N4BP2: variants seen among roughly 807,000 people sequenced by gnomAD.
N4BP2 encodes the protein NEDD4 binding protein 2, also known as NEDD4-binding protein 2.
In N4BP2, 91 loss-of-function variants were observed where a neutral mutation model predicts 152.8. The ratio of observed to expected loss-of-function variants is 0.60; its 90% CI spans 0.50 to 0.71. N4BP2 has a LOEUF of 0.71. N4BP2 is among the 30% of genes least tolerant of loss of function. The pLI is 0.00. For missense variants in N4BP2, 1,923 were observed against 2,059.1 expected (o/e 0.93, Z 1.28); for synonymous variants, 646 against 705.3 (o/e 0.92, Z 1.33).
At chr4:40,131,121 G>A (rs1718869762) in intron 12 of N4BP2, among the ~76,000 whole-genome samples, 1 of 152,158 alleles carries the variant, frequency 6.6e-6, no homozygotes, top group African/African-American at 2.4e-5. Flanking sequence ...GCCCATTGAG[G>A]AGAATATGTT....
chr4:40,165,146 T>C, the N4BP2 span, among the ~76,000 whole-genome samples: 4 of 152,220 alleles, frequency 2.6e-5, no homozygotes, highest in Non-Finnish European at 5.9e-5. Context: ...TAGTTGTCTC[T>C]TATATTTCTT....
chr4:40,088,135 C>A (rs1458334748), intron 2 of N4BP2, among the ~76,000 whole-genome samples: 1 of 152,152 alleles, frequency 6.6e-6, no homozygotes, highest in East Asian at 1.9e-4. Flanking sequence ...GTTTTTATTG[C>A]TGACTAGTAT....
intron 1 of N4BP2, 143 bp from the exon 2 acceptor site, chr4:40,073,312 T>A (rs1712395901): frequency 6.6e-6 from 1 of 152,160 alleles, no homozygotes; most frequent in Non-Finnish European, 1.5e-5. Context: ...ATAAGTGCAG[T>A]CTTTCTTGTC....
chr4:40,152,720 G>A (rs1721252194), intron 16 of N4BP2, 60 bp from the exon 17 acceptor site: 4 of 1,588,162 alleles, frequency 2.5e-6, no homozygotes, highest in Non-Finnish European at 3.4e-6. Flanking sequence ...TAAGGTTTAC[G>A]TTTTCTATTG....
chr4:40,072,091 T>C (rs1486200881), intron 1 of N4BP2, among the ~76,000 whole-genome samples: 1 of 151,408 alleles, frequency 6.6e-6, no homozygotes, highest in African/African-American at 2.4e-5. Context: ...TTTTTCTTTT[T>C]TGAGATGGAG....
chr4:40,071,650 T>A (rs1712195768), intron 1 of N4BP2, among the ~76,000 whole-genome samples: 2 of 152,174 alleles, frequency 1.3e-5, no homozygotes, highest in African/African-American at 4.8e-5. Context: ...CACTGCAACC[T>A]CTGTCTCTTG....
At chr4:40,140,867 G>A (rs920775930) in intron 14 of N4BP2, among the ~76,000 whole-genome samples, 4 of 150,728 alleles carry the variant, frequency 2.7e-5, no homozygotes, top group Admixed American at 2.0e-4. Flanking sequence ...TTAACCCTGA[G>A]TGGACACAGC....
At chr4:40,181,010 C>T in the N4BP2 span, among the ~76,000 whole-genome samples, 1 of 152,046 alleles carries the variant, frequency 6.6e-6, no homozygotes, top group Non-Finnish European at 1.5e-5. Context: ...ATTAGCCGGG[C>T]ATGGTGGCAT....
intron 16 of N4BP2, among the ~76,000 whole-genome samples, chr4:40,148,377 T>C (rs891304478): frequency 1.3e-5 from 2 of 150,090 alleles, no homozygotes; most frequent in Non-Finnish European, 3.0e-5. Flanking sequence ...GGCAGGGAGG[T>C]TGCAGTGAGC....
At chr4:40,074,401 G>A (rs1045711173) in intron 2 of N4BP2, among the ~76,000 whole-genome samples, 13 of 111,974 alleles carry the variant, frequency 1.2e-4, no homozygotes, top group Non-Finnish European at 2.3e-4. Context: ...CAGAGATGGC[G>A]TTTTGTCATG....
intron 13 of N4BP2, 83 bp from the exon 14 acceptor site, chr4:40,136,861 A>T: frequency 1.0e-6 from 1 of 985,882 alleles, no homozygotes; most frequent in South Asian, 2.1e-5. Flanking sequence ...TTCTTGTAAG[A>T]TGTTTGAAGA....
chr4:40,185,830 T>C, the N4BP2 span, among the ~76,000 whole-genome samples: 4 of 152,170 alleles, frequency 2.6e-5, no homozygotes, highest in South Asian at 6.2e-4. Flanking sequence ...GTAATAATAA[T>C]AATAATGAGA....
intron 1 of N4BP2, among the ~76,000 whole-genome samples, chr4:40,057,887 T>C (rs528603824): frequency 1.2e-4 from 18 of 152,306 alleles, no homozygotes; most frequent in African/African-American, 4.1e-4. Flanking sequence ...AACTAGGATC[T>C]GATATTTGTG....
intron 16 of N4BP2, among the ~76,000 whole-genome samples, chr4:40,150,566 G>T (rs1721055563): frequency 6.6e-6 from 1 of 151,910 alleles, no homozygotes; most frequent in Admixed American, 6.6e-5. Flanking sequence ...AGCCACTCTG[G>T]AAACTGAGGC....
intron 2 of N4BP2, among the ~76,000 whole-genome samples, chr4:40,085,611 TGCCTG>T (rs371620855): frequency 1.7e-3 from 262 of 151,998 alleles, no homozygotes; most frequent in African/African-American, 5.9e-3. Flanking sequence ...CACGCCACCA[TGCCTG>T]GCTAATTTTT....
At chr4:40,082,658 A>G (rs958305282) in intron 2 of N4BP2, among the ~76,000 whole-genome samples, 1 of 152,066 alleles carries the variant, frequency 6.6e-6, no homozygotes, top group Admixed American at 6.6e-5. Context: ...AGCCTAAGCA[A>G]ACAAACCAAC....
chr4:40,094,842 G>A (rs1209938868), intron 2 of N4BP2, among the ~76,000 whole-genome samples: 3 of 151,396 alleles, frequency 2.0e-5, no homozygotes, highest in Non-Finnish European at 4.4e-5. Context: ...GTGAGCCACC[G>A]CGAGTGCAGT....
At chr4:40,076,670 A>T (rs1712771961) in intron 2 of N4BP2, among the ~76,000 whole-genome samples, 1 of 151,982 alleles carries the variant, frequency 6.6e-6, no homozygotes, top group African/African-American at 2.4e-5. Flanking sequence ...TTGTATTTTT[A>T]GTAGAGACAG....
rs761060363 is a variant in N4BP2 at position 40,122,312 on chromosome 4, A to G, written c.4198+3A>G. 3.9e-6 allele frequency: 6 copies of G among 1,541,148 alleles called. No homozygotes were observed. The African/African-American group carries it at 4.1e-5, about 11-fold the overall frequency. On this transcript the variant is annotated splice_donor_region_variant and intron_variant, in intron 9 of 17. Coordinates refer to ENST00000261435, the MANE Select transcript of N4BP2 (RefSeq NM_018177.6). ...TGGTCCTGTTGGTATTGATTCAGGT[A>G]AGGAAAAAGTAAATGACCATGTGTG...
Sources: allele counts gnomAD v4.1 joint callset (sites outside exome capture counted in the v4.1 genomes callset), GRCh38; gene constraint gnomAD v4.1.1; transcripts MANE v1.5; gene names NCBI Gene and HGNC (gene_info 2026-07-23, HGNC 2026-07-21).